Variants in B3GALT1 observed in about 807,000 individuals in gnomAD.
The protein encoded by B3GALT1 is UDP-Gal:betaGlcNAc beta 1,3-galactosyltransferase, polypeptide 1.
A neutral mutation model predicts 23.2 loss-of-function variants in B3GALT1; 10 were observed. The ratio of observed to expected loss-of-function variants is 0.43; its 90% CI spans 0.27 to 0.73. The LOEUF (loss-of-function observed/expected upper bound fraction) is 0.73, where lower values mean the gene tolerates loss of function less well. B3GALT1 is among the 30% of genes least tolerant of loss of function. The probability of loss-of-function intolerance (pLI) is 0.21; values close to 1 mark genes in which losing one functional copy is unlikely to be tolerated. For synonymous variants in B3GALT1, 156 were observed against 141.5 expected, an observed-to-expected ratio of 1.10 and a Z score of -0.73; for missense variants, 299 against 405.4, an observed-to-expected ratio of 0.74 and a Z score of 2.25.
intron 1 of B3GALT1, among the ~76,000 whole-genome samples, chr2:167,444,560 A>T (rs1698950468): frequency 6.6e-6 from 1 of 152,194 alleles, no homozygotes; most frequent in Non-Finnish European, 1.5e-5. Flanking sequence ...TTATTGGTCT[A>T]TTCAGAGATT....
chr2:167,467,711 GA>G, intron 1 of B3GALT1, among the ~76,000 whole-genome samples: 1 of 152,132 alleles, frequency 6.6e-6, no homozygotes, highest in East Asian at 1.9e-4. Flanking sequence ...CCATTCCTAG[GA>G]AAAAATCAAT....
Position 167,512,622 on chromosome 2 carries a change from G to GTATA in B3GALT1, c.-410+22346_-410+22347insATAT, listed in dbSNP as rs1491336747. 3.1e-3 allele frequency among the ~76,000 whole-genome samples: 131 copies of GTATA among 42,368 alleles called. 5 individuals are homozygous for GTATA. Among genetic ancestry groups the GTATA allele is most frequent in the African/African-American group, 0.026 (125 of 4,836 alleles). The allele number at this position is 42,368 out of a possible 152,430, so 27.8% of individuals were successfully genotyped here. A position where few individuals can be genotyped will look rare whatever the true frequency, so the allele number is the denominator to read the frequency against. ...TATATATATATGTATATATATATAC[G>GTATA]TGTATATATATATACATATATATAT... On this transcript the variant is annotated intron_variant, in intron 2 of 4. Coordinates refer to ENST00000392690, the MANE Select transcript of B3GALT1 (RefSeq NM_020981.4).
At chr2:167,781,718 G>A (rs1277732741) in intron 3 of B3GALT1, among the ~76,000 whole-genome samples, 1 of 151,968 alleles carries the variant, frequency 6.6e-6, no homozygotes, top group African/African-American at 2.4e-5. Flanking sequence ...GGAGGTGGGG[G>A]GTGTTGGCTG....
intron 1 of B3GALT1, among the ~76,000 whole-genome samples, chr2:167,486,994 G>A (rs1045767304): frequency 6.6e-6 from 1 of 152,078 alleles, no homozygotes. Flanking sequence ...GTTAAAATAT[G>A]TACTTTAAAA....
rs1190204739 is a variant in B3GALT1, at chr2:167,563,909, T to TCC, written c.-410+73637_-410+73638dup. Among the ~76,000 whole-genome samples the TCC allele has an allele frequency of 5.7e-3, 428 of 75,376 alleles. 5 individuals carry two copies. The highest frequency in any genetic ancestry group is 0.023 in the African/African-American group (402 of 17,722). The allele number at this position is 75,376 out of a possible 152,430, so 49.4% of individuals were successfully genotyped here. A position where few individuals can be genotyped will look rare whatever the true frequency, so the allele number is the denominator to read the frequency against. ...GGGGCGGCCGGCCGGGCGGGGCCGATCCCCCCACCTCCCTCCCAGACGGGG... is the reference window on the plus strand; with the variant it reads ...GGGGCGGCCGGCCGGGCGGGGCCGATCCCCCCCCACCTCCCTCCCAGACGGGG... On this transcript the variant is annotated intron_variant, in intron 2 of 4. Coordinates refer to ENST00000392690, the MANE Select transcript of B3GALT1 (RefSeq NM_020981.4).
rs900510097 is a variant in B3GALT1, at chr2:167,324,927, G to A, written c.-511+31593G>A. Among the ~76,000 whole-genome samples, 28 of 151,884 alleles carry A rather than the reference G, an allele frequency of 1.8e-4. 1 individual carries two copies. The highest frequency in any genetic ancestry group is 6.5e-4 in the African/African-American group (27 of 41,372). On this transcript the variant is annotated intron_variant, in intron 1 of 4. Transcript: ENST00000392690. ...CTCTCATTCCACTCTCCACCTCTAC[G>A]TGGTCTACTTCTGTAGCTCCCACAT...
At chr2:167,535,113 A>G (rs1683394044) in intron 2 of B3GALT1, among the ~76,000 whole-genome samples, 1 of 152,206 alleles carries the variant, frequency 6.6e-6, no homozygotes, top group African/African-American at 2.4e-5. Context: ...GATGAAGCTA[A>G]GTCATCAAGG....
At position 167,635,254 on chromosome 2, in the gene B3GALT1, G is replaced by A. The variant is rs143390001; in HGVS notation, c.-409-11655G>A. Among the ~76,000 whole-genome samples, 8 of 152,200 alleles carry A rather than the reference G, an allele frequency of 5.3e-5. 1 individual carries two copies. The highest frequency in any genetic ancestry group is 1.4e-4 in the African/African-American group (6 of 41,534). The stretch of plus-strand genomic sequence containing the variant: ...GCACAGTCAATATCATACTGAATGC[G>A]CAAAAGCTGGAAGCATCCCCTTTGA... On this transcript the variant is annotated intron_variant, in intron 2 of 4. Coordinates refer to ENST00000392690, the MANE Select transcript of B3GALT1 (RefSeq NM_020981.4).
intron 2 of B3GALT1, among the ~76,000 whole-genome samples, chr2:167,642,591 T>A (rs1283256923): frequency 6.6e-6 from 1 of 152,122 alleles, no homozygotes; most frequent in Non-Finnish European, 1.5e-5. Flanking sequence ...TAAAAAACAT[T>A]TTATGCTGGG....
chr2:167,817,701 A>G (rs748311711), intron 3 of B3GALT1, among the ~76,000 whole-genome samples: 3 of 152,230 alleles, frequency 2.0e-5, no homozygotes, highest in Admixed American at 2.0e-4. Context: ...GTTTTATTTC[A>G]TATGAGGACC....
At chr2:167,295,512 G>A (rs536799509) in intron 1 of B3GALT1, among the ~76,000 whole-genome samples, 2 of 152,218 alleles carry the variant, frequency 1.3e-5, no homozygotes, top group South Asian at 4.1e-4. Flanking sequence ...TAATATGGGG[G>A]AAATAGGATT....
At chr2:167,317,730 G>T (rs915646435) in intron 1 of B3GALT1, among the ~76,000 whole-genome samples, 3 of 152,164 alleles carry the variant, frequency 2.0e-5, no homozygotes, top group Admixed American at 1.3e-4. Context: ...TATACAAAAG[G>T]TCGCTGCTTC....
intron 1 of B3GALT1, among the ~76,000 whole-genome samples, chr2:167,423,035 A>G (rs1221630880): frequency 6.6e-6 from 1 of 152,148 alleles, no homozygotes; most frequent in Non-Finnish European, 1.5e-5. Flanking sequence ...AATTCCTCAA[A>G]AGTTTCTCAA....
chr2:167,388,015 A>G (rs1353496488), intron 1 of B3GALT1, among the ~76,000 whole-genome samples: 6 of 152,226 alleles, frequency 3.9e-5, no homozygotes, highest in Non-Finnish European at 7.3e-5. Flanking sequence ...TAAAACAAAT[A>G]TTGAATGTTT....
chr2:167,829,495 AAAG>A (rs1430814640), intron 4 of B3GALT1, among the ~76,000 whole-genome samples: 2 of 148,690 alleles, frequency 1.3e-5, no homozygotes, highest in African/African-American at 5.2e-5. Context: ...GGAAAAAAAA[AAAG>A]AAAAGAAGAA....
At chr2:167,579,383 A>G (rs1473419755) in intron 2 of B3GALT1, among the ~76,000 whole-genome samples, 1 of 149,552 alleles carries the variant, frequency 6.7e-6, no homozygotes, top group African/African-American at 2.5e-5. Flanking sequence ...CTAACTACAC[A>G]TTAGAATCAG....
intron 1 of B3GALT1, among the ~76,000 whole-genome samples, chr2:167,475,112 A>G (rs1699470634): frequency 6.6e-6 from 1 of 152,190 alleles, no homozygotes; most frequent in South Asian, 2.1e-4. Flanking sequence ...GGTCAGCTGC[A>G]GTCCAAAAAT....
chr2:167,542,637 T>G (rs1683550710), intron 2 of B3GALT1, among the ~76,000 whole-genome samples: 2 of 152,200 alleles, frequency 1.3e-5, no homozygotes, highest in Non-Finnish European at 2.9e-5. Context: ...AAAGGTACTT[T>G]ATTCTCAAAA....
Position 167,869,259 on chromosome 2 carries a change from G to A in B3GALT1, c.220G>A (p.Glu74Lys). ...TCTTATCAACGAGCCCAATAAATGT[G>A]AGAAAAACATTCCTTTTCTTGTTAT... ...EFLINEPNKC[E>K]KNIPFLVILI... Residue 74 changes from glutamate (E) to lysine (K), a missense_variant, in exon 5 of 5, where the codon GAG becomes AAG. Transcript: ENST00000392690. The surrounding 1 kb of genome is among the most constrained non-coding windows in gnomAD (Gnocchi z 6.4). 1 of 1,614,152 alleles carries A rather than the reference G, an allele frequency of 6.2e-7. No individual in the cohort carries two copies. The highest frequency in any genetic ancestry group is 8.5e-7 in the Non-Finnish European group (1 of 1,180,024).
Sources: gnomAD v4.1 joint callset for allele counts (sites outside exome capture counted in the v4.1 genomes callset) on GRCh38, gnomAD v4.1.1 for gene constraint, Gnocchi (gnomAD v3.1) non-coding constraint, MANE v1.5 for transcripts, NCBI Gene and HGNC (gene_info 2026-07-23, HGNC 2026-07-21) for gene names.